The following CHD7 variants were observed in gnomAD, a reference collection of about 807,000 sequenced individuals.
CHD7 encodes the protein ATP-dependent chromatin remodeler CHD7.
In CHD7, 24 loss-of-function variants were observed where a neutral mutation model predicts 307.3. The ratio of observed to expected loss-of-function variants is 0.08; its 90% CI spans 0.06 to 0.11. The LOEUF is 0.11. Ranked by LOEUF, CHD7 falls within the 10% of genes least tolerant of loss-of-function variation. The pLI, the probability that CHD7 is intolerant of heterozygous loss-of-function variation, is 1.00. For synonymous variants in CHD7, 1,363 were observed against 1,349.9 expected (o/e 1.01, Z -0.21); for missense variants, 3,106 against 3,727.1 (o/e 0.83, Z 4.34).
intron 13 of CHD7, among the ~76,000 whole-genome samples, chr8:60,826,546 T>G (rs920827038): frequency 6.6e-6 from 1 of 152,250 alleles, no homozygotes. Flanking sequence ...CATAGGGAAC[T>G]GCTGTTACCT....
At chr8:60,768,817 T>C (rs926465058) in intron 2 of CHD7, among the ~76,000 whole-genome samples, 2 of 129,564 alleles carry the variant, frequency 1.5e-5, no homozygotes. Flanking sequence ...TTTTGAATAA[T>C]AACGTTAAGC....
chr8:60,744,277 C>T (rs1345394144), intron 2 of CHD7, among the ~76,000 whole-genome samples: 1 of 151,936 alleles, frequency 6.6e-6, no homozygotes, highest in Admixed American at 6.6e-5. Context: ...TGGACTTAAA[C>T]GGGGAGGGAG....
rs139123848 is a variant in CHD7 at position 60,854,115 on chromosome 8, G to A, written c.6776-248G>A. Among the ~76,000 whole-genome samples, 673 of 152,226 alleles carry A rather than the reference G, an allele frequency of 4.4e-3. 6 individuals carry two copies. The highest frequency in any genetic ancestry group is 0.016 in the African/African-American group (649 of 41,524). ...AGCCTCTTGTAAGGTTTACTTGCAC[G>A]GTGCTAGGTGGCTAGTGACTAACCT... On this transcript the variant is annotated intron_variant, in intron 31 of 37. Coordinates refer to ENST00000423902, the MANE Select transcript of CHD7 (RefSeq NM_017780.4).
At position 60,709,726 on chromosome 8, in the gene CHD7, A is replaced by G. The variant is rs1807192271; in HGVS notation, c.-175+30644A>G. On this transcript the variant is annotated intron_variant, in intron 1 of 37. Coordinates refer to ENST00000423902, the MANE Select transcript of CHD7 (RefSeq NM_017780.4). ...ACTATTTGAGATGATTGATATTTTA[A>G]TTTGCTGGACTATATAGTAGCCATT... Among the ~76,000 whole-genome samples, 3 of 152,304 alleles carry G rather than the reference A, an allele frequency of 2.0e-5. No homozygotes were observed. The South Asian group carries it at 6.2e-4, about 32-fold the overall frequency.
intron 37 of CHD7, chr8:60,863,240 C>G (rs1299493785): frequency 6.6e-6 from 1 of 151,658 alleles, no homozygotes; most frequent in Admixed American, 6.6e-5. Context: ...TTCCCTCACA[C>G]CGTCCTTTCC....
At chr8:60,822,881 A>G (rs1341141730) in intron 12 of CHD7, 135 bp downstream of exon 12, 2 of 638,904 alleles carry the variant, frequency 3.1e-6, no homozygotes, top group South Asian at 3.3e-5. Context: ...ATCTGACTCA[A>G]TTTACATTTG....
chr8:60,707,623 C>A (rs1807082723), intron 1 of CHD7, among the ~76,000 whole-genome samples: 1 of 152,186 alleles, frequency 6.6e-6, no homozygotes, highest in Non-Finnish European at 1.5e-5. Context: ...AGATGACCAG[C>A]ACTTGTTTAC....
intron 2 of CHD7, among the ~76,000 whole-genome samples, chr8:60,765,227 ACACG>A (rs1209532162): frequency 2.6e-5 from 4 of 151,370 alleles, no homozygotes; most frequent in Admixed American, 6.6e-5. Flanking sequence ...ACACACACAC[ACACG>A]CACACGCATG....
At chr8:60,700,055 C>T (rs569613711) in intron 1 of CHD7, among the ~76,000 whole-genome samples, 1 of 152,046 alleles carries the variant, frequency 6.6e-6, no homozygotes, top group Non-Finnish European at 1.5e-5. Flanking sequence ...CTAGGCTGCT[C>T]TCGAACTCCC....
intron 7 of CHD7, among the ~76,000 whole-genome samples, chr8:60,814,603 G>A (rs886298110): frequency 1.3e-5 from 2 of 152,084 alleles, no homozygotes; most frequent in African/African-American, 4.8e-5. Context: ...ATGCCACCAC[G>A]GCCTAGCTGA....
Position 60,865,032 on chromosome 8 carries a change from C to G in CHD7, c.8093C>G (p.Ser2698Trp). The change falls in exon 38 of 38, where the codon TCG becomes TGG. Residue 2698 changes from serine (S) to tryptophan (W), a missense_variant. Physicochemically the swap from Ser to Trp is radical, Grantham distance 177. This residue lies in a region of CHD7 where 59 missense variants were observed against 106.2 expected (regional missense o/e 0.56). Transcript: ENST00000423902. This position sits in a 1 kb window ranked among gnomAD's most constrained non-coding sequence, Gnocchi z 4.3. ...IVKQSGFVPE[S>W]MFDRLLTGPV... Reference sequence around the variant, plus strand: ...GTACTCCAGGGTTTTGTTCCTGAGTCGATGTTTGACCGCCTTCTCACTGGG... The same window carrying G: ...GTACTCCAGGGTTTTGTTCCTGAGTGGATGTTTGACCGCCTTCTCACTGGG... 1 of 1,600,914 alleles carries G rather than the reference C, an allele frequency of 6.2e-7. No homozygotes were observed. Among genetic ancestry groups the G allele is most frequent in the Non-Finnish European group, 8.5e-7 (1 of 1,173,056 alleles).
chr8:60,816,111 CTG>C (rs1486183896), intron 7 of CHD7, among the ~76,000 whole-genome samples: 2 of 71,296 alleles, frequency 2.8e-5, no homozygotes, highest in Admixed American at 1.4e-4. Flanking sequence ...GTCTGTCTGT[CTG>C]TCTCTCTCTC....
chr8:60,794,408 A>G (rs1811920129), intron 3 of CHD7, among the ~76,000 whole-genome samples: 2 of 152,230 alleles, frequency 1.3e-5, no homozygotes, highest in Admixed American at 6.5e-5. Flanking sequence ...AACACGTAGC[A>G]CCAAAATAAA....
chr8:60,721,177 G>A (rs1478673138), intron 1 of CHD7, among the ~76,000 whole-genome samples: 3 of 152,256 alleles, frequency 2.0e-5, no homozygotes, highest in Non-Finnish European at 2.9e-5. Flanking sequence ...AATCCCCAAG[G>A]CAATTGTATT....
chr8:60,816,113 G>GTCTCTCTCTC lies in CHD7; in HGVS notation c.2499-242_2499-233dup, dbSNP rs201056061. ...GTCTCTTTTGTCTGTCTGTCTGTCT[G>GTCTCTCTCTC]TCTCTCTCTCTCTCTCTCTCTCTCT... On this transcript the variant is annotated intron_variant, in intron 7 of 37. Coordinates refer to ENST00000423902, the MANE Select transcript of CHD7 (RefSeq NM_017780.4). 4.5e-3 allele frequency among the ~76,000 whole-genome samples: 623 copies of GTCTCTCTCTC among 139,292 alleles called. 2 individuals are homozygous for GTCTCTCTCTC. Among genetic ancestry groups the GTCTCTCTCTC allele is most frequent in the Middle Eastern group, 7.1e-3 (2 of 282 alleles). 91.4% of individuals were successfully genotyped at this position (139,292 alleles called of 152,430 possible). A position where few individuals can be genotyped will look rare whatever the true frequency, so the allele number is the denominator to read the frequency against.
At chr8:60,822,307 G>A (rs1804079669) in intron 11 of CHD7, among the ~76,000 whole-genome samples, 162 bp downstream of exon 11, 2 of 152,008 alleles carry the variant, frequency 1.3e-5, no homozygotes, top group African/African-American at 4.8e-5. Flanking sequence ...TATTAATACA[G>A]AGATTGATAT....
intron 2 of CHD7, among the ~76,000 whole-genome samples, chr8:60,752,257 T>C (rs1809676645): frequency 6.6e-6 from 1 of 152,082 alleles, no homozygotes; most frequent in African/African-American, 2.4e-5. Context: ...GTTTTGGCCA[T>C]GGGTAGAAAG....
Position 60,856,894 on chromosome 8 carries a change from T to C in CHD7, c.7608+6T>C. The C allele has an allele frequency of 6.5e-7, 1 of 1,533,444 alleles. No individual in the cohort carries two copies. The highest frequency in any genetic ancestry group is 8.7e-7 in the Non-Finnish European group (1 of 1,142,892). 95.0% of individuals were successfully genotyped at this position (1,533,444 alleles called of 1,614,324 possible). On this transcript the variant is annotated splice_donor_region_variant and intron_variant, in intron 34 of 37. Coordinates refer to ENST00000423902, the MANE Select transcript of CHD7 (RefSeq NM_017780.4). ...AACGGACGTCATTGAGTGCAGTAAGTTGGGGAGCTTGCCTGCATGGCGATT... is the reference window on the plus strand; with the variant it reads ...AACGGACGTCATTGAGTGCAGTAAGCTGGGGAGCTTGCCTGCATGGCGATT...
intron 1 of CHD7, among the ~76,000 whole-genome samples, chr8:60,697,778 TAAATCTC>T (rs1432761241): frequency 2.0e-5 from 3 of 152,252 alleles, no homozygotes; most frequent in African/African-American, 4.8e-5. Flanking sequence ...AATTGGAACT[TAAATCTC>T]TAATCTTTAG....
Sources: allele counts gnomAD v4.1 joint callset (sites outside exome capture counted in the v4.1 genomes callset), GRCh38; gene constraint gnomAD v4.1.1; regional missense constraint gnomAD v4.1.1; non-coding constraint Gnocchi (gnomAD v3.1); transcripts MANE v1.5; gene names NCBI Gene and HGNC (gene_info 2026-07-23, HGNC 2026-07-21).